The following ROBO2 variants were observed in gnomAD, a reference collection of about 807,000 sequenced individuals.
The protein encoded by ROBO2 is roundabout guidance receptor 2.
ROBO2 carries 53 observed loss-of-function variants against 160.8 expected under a neutral mutation model. That is an observed-to-expected ratio of 0.33 (90% CI 0.26 to 0.41). The LOEUF is 0.41. Among genes scored for constraint, ROBO2 ranks in the 10% least tolerant of loss-of-function variants. The pLI is 1.00. For synonymous variants in ROBO2, 664 were observed against 611.7 expected, an observed-to-expected ratio of 1.09 and a Z score of -1.26; for missense variants, 1,577 against 1,722.4, an observed-to-expected ratio of 0.92 and a Z score of 1.49.
At chr3:77,394,930 A>G (rs1204687293) in intron 2 of ROBO2, among the ~76,000 whole-genome samples, 3 of 152,194 alleles carry the variant, frequency 2.0e-5, no homozygotes, top group Admixed American at 6.6e-5. Context: ...TATTCAATAT[A>G]GAATTATTTT....
At chr3:76,222,270 A>G (rs1704014194) in intron 2 of ROBO2, among the ~76,000 whole-genome samples, 1 of 152,210 alleles carries the variant, frequency 6.6e-6, no homozygotes, top group Admixed American at 6.5e-5. Context: ...ACTGAGAGGC[A>G]TAAGGTAGAA....
intron 2 of ROBO2, among the ~76,000 whole-genome samples, chr3:76,437,550 A>T (rs1281341400): frequency 6.6e-6 from 1 of 152,164 alleles, no homozygotes; most frequent in East Asian, 1.9e-4. Flanking sequence ...CGTATTGAAA[A>T]ATATTAGTGT....
At chr3:77,024,217 A>T (rs920676107) in intron 2 of ROBO2, among the ~76,000 whole-genome samples, 2 of 152,200 alleles carry the variant, frequency 1.3e-5, no homozygotes, top group Non-Finnish European at 2.9e-5. Flanking sequence ...ACATTTCAGC[A>T]TAGAACAGGA....
chr3:76,891,152 CTCA>C (rs529613620), intron 2 of ROBO2, among the ~76,000 whole-genome samples: 378 of 152,124 alleles, frequency 2.5e-3, no homozygotes, highest in Non-Finnish European at 3.8e-3. Context: ...CTTTACATTT[CTCA>C]TGATTGATTT....
At position 76,597,135 on chromosome 3, in the gene ROBO2, T is replaced by C. The variant is rs183748511; in HGVS notation, c.110-500879T>C. Among the ~76,000 whole-genome samples, 169 of 152,228 alleles carry C rather than the reference T, an allele frequency of 1.1e-3. 1 individual carries two copies. The highest frequency in any genetic ancestry group is 1.3e-3 in the Non-Finnish European group (91 of 67,986). On this transcript the variant is annotated intron_variant, in intron 2 of 26. Coordinates refer to the ROBO2 transcript ENST00000487694. ...GAGTCAAATGTCAAATGGGTAAGAA[T>C]TTAAATGAAAACCGTAAAACTATTA...
chr3:76,815,964 G>A (rs1172011885), intron 2 of ROBO2, among the ~76,000 whole-genome samples: 1 of 152,078 alleles, frequency 6.6e-6, no homozygotes, highest in Non-Finnish European at 1.5e-5. Context: ...ACAGCTTGTA[G>A]CTTTTCTCAT....
chr3:76,894,192 CTTG>C (rs2074588002), intron 2 of ROBO2, among the ~76,000 whole-genome samples: 1 of 152,050 alleles, frequency 6.6e-6, no homozygotes. Flanking sequence ...TGCATTACAA[CTTG>C]TTATTTCAAT....
At chr3:76,119,451 A>C (rs1221577842) in intron 2 of ROBO2, among the ~76,000 whole-genome samples, 1 of 152,066 alleles carries the variant, frequency 6.6e-6, no homozygotes, top group African/African-American at 2.4e-5. Context: ...ATCATGTCAG[A>C]ATTACATTAA....
chr3:76,738,811 G>A (rs2093755554), intron 2 of ROBO2, among the ~76,000 whole-genome samples: 1 of 149,376 alleles, frequency 6.7e-6, no homozygotes, highest in Admixed American at 6.8e-5. Flanking sequence ...AAATGAGGCT[G>A]GTTTTATTAT....
chr3:77,106,467 T>C (rs1302751789), intron 2 of ROBO2, among the ~76,000 whole-genome samples: 1 of 152,198 alleles, frequency 6.6e-6, no homozygotes, highest in East Asian at 1.9e-4. Context: ...ACTCATATGC[T>C]TTTCTCCCAG....
At chr3:77,580,526 A>G (rs1293302389) in intron 16 of ROBO2, among the ~76,000 whole-genome samples, 1 of 152,144 alleles carries the variant, frequency 6.6e-6, no homozygotes, top group African/African-American at 2.4e-5. Context: ...GGTCAGAATA[A>G]GCTTTGTAAT....
At chr3:76,371,686 T>G (rs1322602992) in intron 2 of ROBO2, among the ~76,000 whole-genome samples, 1 of 151,924 alleles carries the variant, frequency 6.6e-6, no homozygotes, top group Non-Finnish European at 1.5e-5. Flanking sequence ...TTGTATAACA[T>G]CAACATCACT....
intron 1 of ROBO2, among the ~76,000 whole-genome samples, chr3:77,048,889 T>C (rs1357539196): frequency 6.6e-6 from 1 of 152,238 alleles, no homozygotes; most frequent in Non-Finnish European, 1.5e-5. Flanking sequence ...TGTTAATTGT[T>C]CTAATTGCCT....
intron 2 of ROBO2, among the ~76,000 whole-genome samples, chr3:75,951,774 A>C (rs1480667219): frequency 6.6e-6 from 1 of 151,988 alleles, no homozygotes; most frequent in Non-Finnish European, 1.5e-5. Flanking sequence ...AAAATCCAGA[A>C]AGTTTTCCTT....
intron 2 of ROBO2, among the ~76,000 whole-genome samples, chr3:76,836,481 GC>G (rs1403555665): frequency 6.7e-6 from 1 of 150,160 alleles, no homozygotes; most frequent in East Asian, 1.9e-4. Flanking sequence ...CTTTGGGGGG[GC>G]AGGAAAAATA....
At chr3:76,106,090 G>A (rs184926345) in intron 2 of ROBO2, among the ~76,000 whole-genome samples, 3 of 152,182 alleles carry the variant, frequency 2.0e-5, no homozygotes, top group African/African-American at 7.2e-5. Flanking sequence ...ATAATGTTAT[G>A]TTATGGATTA....
At chr3:77,459,159 T>C (rs1021179830) in intron 2 of ROBO2, among the ~76,000 whole-genome samples, 1 of 152,222 alleles carries the variant, frequency 6.6e-6, no homozygotes, top group Non-Finnish European at 1.5e-5. Context: ...TCTGATCATT[T>C]GAATACATGA....
chr3:77,293,272 A>T (rs975285913), intron 2 of ROBO2, among the ~76,000 whole-genome samples: 2 of 151,576 alleles, frequency 1.3e-5, no homozygotes, highest in Non-Finnish European at 2.9e-5. Context: ...AGGTAAGCTG[A>T]GGCTAGATCA....
At chr3:75,910,721 C>G (rs999870881) in intron 1 of ROBO2, among the ~76,000 whole-genome samples, 6 of 151,944 alleles carry the variant, frequency 3.9e-5, no homozygotes, top group African/African-American at 1.5e-4. Flanking sequence ...TTATTTGCTC[C>G]TGAAGGGTAA....
Sources: allele counts gnomAD v4.1 joint callset (sites outside exome capture counted in the v4.1 genomes callset), GRCh38; gene constraint gnomAD v4.1.1; transcripts MANE v1.5; gene names NCBI Gene and HGNC (gene_info 2026-07-23, HGNC 2026-07-21).